KCNK2: variants seen among roughly 807,000 people sequenced by gnomAD.
KCNK2 encodes potassium two pore domain channel subfamily K member 2.
A neutral mutation model predicts 40.5 loss-of-function variants in KCNK2; 21 were observed. That is an observed-to-expected ratio of 0.52 (90% confidence interval 0.37 to 0.75). The LOEUF is 0.75. KCNK2 is among the 30% of genes least tolerant of loss of function. KCNK2 has a pLI of 0.00. For missense variants in KCNK2, 399 were observed against 531.6 expected, an observed-to-expected ratio of 0.75 and a Z score of 2.45; for synonymous variants, 191 against 202.2, an observed-to-expected ratio of 0.94 and a Z score of 0.47.
intron 3 of KCNK2, among the ~76,000 whole-genome samples, chr1:215,140,741 G>A (rs59564038): frequency 0.096 from 14,540 of 152,112 alleles, 2,278 homozygotes; most frequent in African/African-American, 0.33. Flanking sequence ...TGTAAAGGCC[G>A]AGGACATTGG....
intron 1 of KCNK2, among the ~76,000 whole-genome samples, chr1:215,074,566 A>G (rs1658866973): frequency 6.6e-6 from 1 of 152,234 alleles, no homozygotes; most frequent in South Asian, 2.1e-4. Context: ...ATAAGTTTCA[A>G]ATAAAGTACT....
chr1:215,235,172 A>G lies in KCNK2; in HGVS notation c.*27A>G, dbSNP rs1313720516. 4 of 1,553,042 alleles carry G rather than the reference A, an allele frequency of 2.6e-6. No individual in the cohort carries two copies. Among genetic ancestry groups the G allele is most frequent in the Non-Finnish European group, 2.6e-6 (3 of 1,135,682 alleles). On this transcript the variant is annotated 3_prime_UTR_variant, in exon 7 of 7. Transcript: ENST00000444842. ...CCTCTCTTTAAATAACCTTAGGCAT[A>G]GCCATAGGTGAGGACTTCTCTATGC... is the stretch of plus-strand genomic sequence containing the variant.
intron 1 of KCNK2, among the ~76,000 whole-genome samples, chr1:215,007,151 A>ATGTG (rs1558054117): frequency 7.7e-6 from 1 of 129,974 alleles, no homozygotes; most frequent in African/African-American, 3.1e-5. Context: ...ATGTGTATAT[A>ATGTG]TATATGTATG....
intron 1 of KCNK2, among the ~76,000 whole-genome samples, chr1:215,064,190 G>A (rs961836123): frequency 1.3e-5 from 2 of 152,180 alleles, no homozygotes; most frequent in Non-Finnish European, 2.9e-5. Flanking sequence ...GATTCCGTGT[G>A]AAACATTTAT....
chr1:215,095,216 A>G (rs552441633), intron 2 of KCNK2, among the ~76,000 whole-genome samples: 67 of 152,218 alleles, frequency 4.4e-4, no homozygotes, highest in African/African-American at 1.5e-3. Context: ...AAATGGAGAA[A>G]CAGAGGGACA....
At chr1:215,073,977 A>T (rs1288079179) in intron 1 of KCNK2, among the ~76,000 whole-genome samples, 1 of 152,174 alleles carries the variant, frequency 6.6e-6, no homozygotes, top group East Asian at 1.9e-4. Flanking sequence ...CAATACTTCA[A>T]GCCAGATTTT....
chr1:215,234,025 G>C (rs923664354), intron 6 of KCNK2, among the ~76,000 whole-genome samples: 4 of 152,100 alleles, frequency 2.6e-5, no homozygotes, highest in African/African-American at 9.7e-5. Flanking sequence ...AAGTTCATTA[G>C]CTCAGCCATC....
chr1:215,122,573 G>A (rs1325567739), intron 2 of KCNK2, among the ~76,000 whole-genome samples: 1 of 151,568 alleles, frequency 6.6e-6, no homozygotes, highest in Non-Finnish European at 1.5e-5. Context: ...TCATGATAAG[G>A]GTTATATAAA....
At chr1:215,099,399 G>A (rs569838189) in intron 2 of KCNK2, among the ~76,000 whole-genome samples, 1 of 151,946 alleles carries the variant, frequency 6.6e-6, no homozygotes. Context: ...GAAAACTAAG[G>A]ATTCTTTTGG....
At chr1:215,038,130 T>C (rs1657447872) in intron 1 of KCNK2, among the ~76,000 whole-genome samples, 2 of 152,028 alleles carry the variant, frequency 1.3e-5, no homozygotes, top group African/African-American at 4.8e-5. Context: ...TTTATCTTTA[T>C]TTTTATCTTC....
At chr1:215,212,859 A>G (rs1665797025) in intron 6 of KCNK2, among the ~76,000 whole-genome samples, 2 of 152,362 alleles carry the variant, frequency 1.3e-5, no homozygotes, top group African/African-American at 2.4e-5. Flanking sequence ...GAGCAGCTCC[A>G]GGAAAGAATT....
At chr1:215,193,204 A>C (rs1249953552) in intron 5 of KCNK2, among the ~76,000 whole-genome samples, 1 of 152,144 alleles carries the variant, frequency 6.6e-6, no homozygotes, top group Non-Finnish European at 1.5e-5. Context: ...CTCTACAATA[A>C]TGTTATACTC....
At chr1:215,157,713 G>A (rs143465864) in intron 3 of KCNK2, among the ~76,000 whole-genome samples, 1 of 152,256 alleles carries the variant, frequency 6.6e-6, no homozygotes, top group Non-Finnish European at 1.5e-5. Context: ...AAAGGATCAG[G>A]AGTCCAGACA....
upstream of KCNK2, among the ~76,000 whole-genome samples, chr1:215,080,136 T>A (rs191697717): frequency 1.4e-4 from 22 of 152,314 alleles, no homozygotes; most frequent in Admixed American, 9.8e-4. Flanking sequence ...TGATGAGACC[T>A]AAGTTCCATG....
intron 6 of KCNK2, among the ~76,000 whole-genome samples, chr1:215,204,550 T>G (rs889465198): frequency 1.3e-5 from 2 of 152,186 alleles, no homozygotes; most frequent in African/African-American, 4.8e-5. Flanking sequence ...TTACCTGTTT[T>G]GAGAATTTGT....
chr1:215,035,604 T>C (rs1197031146), intron 1 of KCNK2, among the ~76,000 whole-genome samples: 3 of 152,066 alleles, frequency 2.0e-5, no homozygotes, highest in South Asian at 2.1e-4. Flanking sequence ...TAGTAACCCA[T>C]TGTATAGATA....
chr1:215,111,226 G>A (rs1371836296), intron 2 of KCNK2, among the ~76,000 whole-genome samples: 2 of 151,794 alleles, frequency 1.3e-5, no homozygotes, highest in Non-Finnish European at 2.9e-5. Flanking sequence ...TCTTTTTCTT[G>A]CCAAGTTGCT....
At chr1:215,124,434 C>T (rs1661329031) in intron 2 of KCNK2, among the ~76,000 whole-genome samples, 199 bp from the exon 3 acceptor site, 1 of 152,098 alleles carries the variant, frequency 6.6e-6, no homozygotes, top group African/African-American at 2.4e-5. Flanking sequence ...CTTGATATCA[C>T]ATGTCAGTTT....
chr1:215,082,319 G>A (rs1659191676), upstream of KCNK2, among the ~76,000 whole-genome samples: 1 of 152,106 alleles, frequency 6.6e-6, no homozygotes, highest in African/African-American at 2.4e-5. Context: ...CTCTCAAGGC[G>A]CCAACGGGGA....
Sources: allele counts gnomAD v4.1 joint callset (sites outside exome capture counted in the v4.1 genomes callset), GRCh38; gene constraint gnomAD v4.1.1; transcripts MANE v1.5; gene names NCBI Gene and HGNC (gene_info 2026-07-23, HGNC 2026-07-21).